The following RAD51B variants were observed in gnomAD, a reference collection of about 807,000 sequenced individuals.
RAD51B encodes the protein DNA repair protein RAD51 homolog 2.
RAD51B carries 38 observed loss-of-function variants against 42.2 expected under a neutral mutation model. The observed-to-expected ratio is 0.90, with a 90% CI of 0.70 to 1.18. The LOEUF (loss-of-function observed/expected upper bound fraction) is 1.18, where lower values mean the gene tolerates loss of function less well. Among genes scored for constraint, RAD51B ranks in the 50% most tolerant of loss-of-function variants. The probability of loss-of-function intolerance (pLI) is 0.00; values close to 1 mark genes in which losing one functional copy is unlikely to be tolerated. For missense variants in RAD51B, 373 were observed against 400.7 expected (o/e 0.93, Z 0.59); for synonymous variants, 154 against 145.2 (o/e 1.06, Z -0.43).
intron 8 of RAD51B, among the ~76,000 whole-genome samples, chr14:68,325,322 T>C (rs1479711329): frequency 1.3e-5 from 2 of 152,200 alleles, no homozygotes; most frequent in South Asian, 2.1e-4. Flanking sequence ...ACCACCATCA[T>C]AGGTACCCAT....
At chr14:68,540,069 A>G (rs1887871109) in intron 10 of RAD51B, 1 of 524,050 alleles carries the variant, frequency 1.9e-6, no homozygotes, top group African/African-American at 2.0e-5. Context: ...CAGCTGTACC[A>G]AAGCAATAGA....
At position 67,864,718 on chromosome 14, in the gene RAD51B, T is replaced by G. The variant is rs77895646; in HGVS notation, c.316-285T>G. ...AGTGAATGTTTCAGCCTTTCTCAAC[T>G]AGAAGTTTCTCATCTGAACTACAAA... On this transcript the variant is annotated intron_variant, in intron 4 of 10. Coordinates refer to ENST00000471583, the MANE Select transcript of RAD51B (RefSeq NM_133510.4). 3.3e-3 allele frequency: 1,731 copies of G among 521,302 alleles called. 25 individuals carry two copies. The highest frequency in any genetic ancestry group is 0.028 in the African/African-American group (1,473 of 53,024). The allele number at this position is 521,302 out of a possible 1,614,324, so 32.3% of individuals were successfully genotyped here. A position where few individuals can be genotyped will look rare whatever the true frequency, so the allele number is the denominator to read the frequency against.
rs1451417226 is a variant in RAD51B at position 68,072,132 on chromosome 14, T to TATA, written c.756+184929_756+184930insTAA. On this transcript the variant is annotated intron_variant, in intron 7 of 10. Coordinates refer to ENST00000471583, the MANE Select transcript of RAD51B (RefSeq NM_133510.4). Reference sequence around the variant, plus strand: ...ATAAAAAATATATAAAATATATATATAATTATATATATATTTTATATATAT... The same window carrying TATA: ...ATAAAAAATATATAAAATATATATATATAAATTATATATATATTTTATATATAT... 2.9e-3 allele frequency among the ~76,000 whole-genome samples: 395 copies of TATA among 136,238 alleles called. 7 individuals are homozygous for TATA. Among genetic ancestry groups the TATA allele is most frequent in the African/African-American group, 0.01 (373 of 35,560 alleles). 89.4% of individuals were successfully genotyped at this position (136,238 alleles called of 152,430 possible).
At chr14:68,033,710 C>T (rs11621638) in intron 7 of RAD51B, among the ~76,000 whole-genome samples, 17,294 of 152,144 alleles carry the variant, frequency 0.11, 1,304 homozygotes, top group Middle Eastern at 0.28. Context: ...CAGCCCTTCC[C>T]GCAGACTGCT....
chr14:68,225,039 C>T (rs1415668909), intron 7 of RAD51B, among the ~76,000 whole-genome samples: 1 of 151,820 alleles, frequency 6.6e-6, no homozygotes. Flanking sequence ...TTAAAAAATA[C>T]AAGAGAAAGA....
At chr14:68,254,449 T>C (rs1012550268) in intron 7 of RAD51B, among the ~76,000 whole-genome samples, 3 of 152,152 alleles carry the variant, frequency 2.0e-5, no homozygotes, top group African/African-American at 7.2e-5. Context: ...ATTTTGATTG[T>C]GGGCAAAAAA....
At chr14:68,229,897 A>T (rs2080113274) in intron 7 of RAD51B, among the ~76,000 whole-genome samples, 1 of 152,200 alleles carries the variant, frequency 6.6e-6, no homozygotes, top group Admixed American at 6.5e-5. Context: ...TGCCCTCAAG[A>T]CTGCCTCATC....
intron 5 of RAD51B, among the ~76,000 whole-genome samples, chr14:67,870,406 C>T (rs1232233281): frequency 5.4e-5 from 8 of 149,518 alleles, no homozygotes; most frequent in South Asian, 2.1e-4. Flanking sequence ...TATATATGCA[C>T]CCAATACAGG....
At chr14:68,286,844 ATAGAC>A (rs2081423345) in intron 7 of RAD51B, among the ~76,000 whole-genome samples, 1 of 152,260 alleles carries the variant, frequency 6.6e-6, no homozygotes, top group African/African-American at 2.4e-5. Context: ...CATTGGGCAC[ATAGAC>A]TGGCAGAGAG....
Position 68,257,665 on chromosome 14 carries a change from T to C in RAD51B, c.757-34219T>C, listed in dbSNP as rs2080781925. 3.3e-5 allele frequency among the ~76,000 whole-genome samples: 5 copies of C among 152,268 alleles called. No homozygotes were observed. In the South Asian group the frequency reaches 8.3e-4, roughly 25 times the overall value. On this transcript the variant is annotated intron_variant, in intron 7 of 10. Transcript: ENST00000471583. ...GAGTGAAAAGAGTTTTTGCTAAGATTGCGGGATTGAGAAATTCTTTAATTG... is the reference window on the plus strand; with the variant it reads ...GAGTGAAAAGAGTTTTTGCTAAGATCGCGGGATTGAGAAATTCTTTAATTG...
At position 67,948,931 on chromosome 14, in the gene RAD51B, C is replaced by CAAAAAAAA. The variant is rs59465805; in HGVS notation, c.756+61747_756+61754dup. The stretch of plus-strand genomic sequence containing the variant: ...TGGGTGACAGAGTGAGACTCTGTCT[C>CAAAAAAAA]AAAAAAAAAAAAAAAAAAAAAAAAA... On this transcript the variant is annotated intron_variant, in intron 7 of 10. Transcript: ENST00000471583. 4.1e-3 allele frequency among the ~76,000 whole-genome samples: 70 copies of CAAAAAAAA among 17,060 alleles called. 6 individuals carry two copies. Among genetic ancestry groups the CAAAAAAAA allele is most frequent in the African/African-American group, 0.012 (64 of 5,214 alleles). The allele number at this position is 17,060 out of a possible 152,430, so 11.2% of individuals were successfully genotyped here. A position where few individuals can be genotyped will look rare whatever the true frequency, so the allele number is the denominator to read the frequency against.
At chr14:67,834,447 C>T (rs773638684) in intron 3 of RAD51B, among the ~76,000 whole-genome samples, 1 of 152,172 alleles carries the variant, frequency 6.6e-6, no homozygotes, top group African/African-American at 2.4e-5. Flanking sequence ...CTGTTCTTCA[C>T]AAACGAACCC....
At chr14:68,265,598 A>G (rs1450008575) in intron 7 of RAD51B, among the ~76,000 whole-genome samples, 1 of 152,108 alleles carries the variant, frequency 6.6e-6, no homozygotes, top group Non-Finnish European at 1.5e-5. Flanking sequence ...AATAAAATAC[A>G]AAAATTAGCT....
intron 7 of RAD51B, among the ~76,000 whole-genome samples, chr14:68,129,292 T>C (rs909199765): frequency 5.3e-5 from 8 of 152,194 alleles, no homozygotes; most frequent in Non-Finnish European, 8.8e-5. Context: ...CACTGATTGC[T>C]GAAACTGAGA....
chr14:68,549,409 A>ATTTTTTTTTTTTTT (rs71129897), intron 10 of RAD51B, among the ~76,000 whole-genome samples: 6 of 63,576 alleles, frequency 9.4e-5, no homozygotes, highest in African/African-American at 1.4e-4. Context: ...CCCTGGACAC[A>ATTTTTTTTTTTTTT]TTTTTTTTTT....
chr14:68,677,762 C>T (rs936612042), intron 11 of RAD51B, among the ~76,000 whole-genome samples: 6 of 152,172 alleles, frequency 3.9e-5, no homozygotes, highest in Non-Finnish European at 5.9e-5. Flanking sequence ...TAGCTAGGGC[C>T]ATGATGGTGT....
intron 10 of RAD51B, among the ~76,000 whole-genome samples, chr14:68,537,476 G>C (rs1887703831): frequency 6.8e-6 from 1 of 146,692 alleles, no homozygotes; most frequent in Non-Finnish European, 1.5e-5. Flanking sequence ...TCCAGCCTGG[G>C]CGACAGAGCA....
chr14:68,065,457 C>G (rs2076635039), intron 7 of RAD51B, among the ~76,000 whole-genome samples: 1 of 152,152 alleles, frequency 6.6e-6, no homozygotes, highest in South Asian at 2.1e-4. Context: ...TGGCCTACCT[C>G]TTGGCTTGGG....
chr14:68,589,097 G>A (rs752749991), intron 10 of RAD51B, among the ~76,000 whole-genome samples: 15 of 152,184 alleles, frequency 9.9e-5, no homozygotes, highest in Non-Finnish European at 1.8e-4. Flanking sequence ...TCTCCTTGAA[G>A]ACAGCCATGC....
Sources: allele counts gnomAD v4.1 joint callset (sites outside exome capture counted in the v4.1 genomes callset), GRCh38; gene constraint gnomAD v4.1.1; transcripts MANE v1.5; gene names NCBI Gene and HGNC (gene_info 2026-07-23, HGNC 2026-07-21).